KCNIP4: variants seen among roughly 807,000 people sequenced by gnomAD.
The protein encoded by KCNIP4 is potassium voltage-gated channel interacting protein 4, also known as Kv channel-interacting protein 4.
A neutral mutation model predicts 34.0 loss-of-function variants in KCNIP4; 12 were observed. The ratio of observed to expected loss-of-function variants is 0.35; its 90% CI spans 0.23 to 0.57. The LOEUF (loss-of-function observed/expected upper bound fraction) is 0.57. Among genes scored for constraint, KCNIP4 ranks in the 20% least tolerant of loss-of-function variants. The pLI is 0.83. For missense variants in KCNIP4, 238 were observed against 311.7 expected (o/e 0.76, Z 1.78); for synonymous variants, 124 against 102.2 (o/e 1.21, Z -1.29).
At chr4:21,750,246 G>A (rs6838747) in intron 1 of KCNIP4, among the ~76,000 whole-genome samples, 110,748 of 152,092 alleles carry the variant, frequency 0.73, 41,728 homozygotes, top group African/African-American at 0.85. Flanking sequence ...TTATTTAGCA[G>A]TGGCCCAAAG....
At chr4:21,628,800 C>T (rs1026144073) in intron 1 of KCNIP4, among the ~76,000 whole-genome samples, 6 of 152,132 alleles carry the variant, frequency 3.9e-5, no homozygotes, top group African/African-American at 1.4e-4. Flanking sequence ...CTATATTTAA[C>T]CAATCACTAT....
intron 1 of KCNIP4, among the ~76,000 whole-genome samples, chr4:21,277,178 G>T (rs560742404): frequency 3.3e-5 from 5 of 152,262 alleles, no homozygotes; most frequent in African/African-American, 1.2e-4. Flanking sequence ...TCCACAGATA[G>T]GAACTTTTCA....
At chr4:21,080,014 A>G (rs1329998786) in intron 1 of KCNIP4, among the ~76,000 whole-genome samples, 1 of 151,944 alleles carries the variant, frequency 6.6e-6, no homozygotes. Flanking sequence ...AAACTGAAAG[A>G]TAGTAAATTT....
intron 1 of KCNIP4, among the ~76,000 whole-genome samples, chr4:21,089,993 G>A (rs1341432002): frequency 1.3e-5 from 2 of 151,970 alleles, no homozygotes; most frequent in Non-Finnish European, 2.9e-5. Flanking sequence ...AATATTCTGC[G>A]ACTTGCTGTC....
chr4:20,893,996 T>C (rs2149540544), intron 1 of KCNIP4, among the ~76,000 whole-genome samples: 1 of 152,240 alleles, frequency 6.6e-6, no homozygotes, highest in African/African-American at 2.4e-5. Flanking sequence ...TTCACCTTCC[T>C]CAGCCACCGG....
At chr4:21,642,895 C>A (rs902564698) in intron 1 of KCNIP4, among the ~76,000 whole-genome samples, 1 of 152,072 alleles carries the variant, frequency 6.6e-6, no homozygotes, top group African/African-American at 2.4e-5. Flanking sequence ...CTTATTATTG[C>A]CATGTCCTGT....
chr4:21,305,261 A>G (rs997615537), intron 1 of KCNIP4, among the ~76,000 whole-genome samples: 2 of 152,190 alleles, frequency 1.3e-5, no homozygotes, highest in Admixed American at 6.5e-5. Flanking sequence ...GCAGTGGAGT[A>G]TAAGTTTAGA....
At chr4:20,770,404 A>G (rs532823508) in intron 3 of KCNIP4, among the ~76,000 whole-genome samples, 1 of 151,840 alleles carries the variant, frequency 6.6e-6, no homozygotes, top group African/African-American at 2.4e-5. Flanking sequence ...GCAGAAATAA[A>G]TTTTTTTAGA....
At chr4:21,939,245 T>C (rs1349678026) in intron 1 of KCNIP4, among the ~76,000 whole-genome samples, 1 of 152,212 alleles carries the variant, frequency 6.6e-6, no homozygotes, top group Non-Finnish European at 1.5e-5. Context: ...TACTTTTTAA[T>C]GACTAATTTT....
At chr4:20,756,246 C>A (rs1163433818) in intron 4 of KCNIP4, among the ~76,000 whole-genome samples, 3 of 151,580 alleles carry the variant, frequency 2.0e-5, no homozygotes, top group African/African-American at 7.3e-5. Flanking sequence ...AAACAGTTGT[C>A]CCCTATATTG....
intron 1 of KCNIP4, among the ~76,000 whole-genome samples, chr4:21,061,449 A>G (rs899372589): frequency 6.6e-6 from 1 of 152,166 alleles, no homozygotes; most frequent in African/African-American, 2.4e-5. Flanking sequence ...CTATATAAGC[A>G]AAAGTGCTTA....
chr4:21,329,524 C>G (rs771757932), intron 1 of KCNIP4, among the ~76,000 whole-genome samples: 2 of 152,136 alleles, frequency 1.3e-5, no homozygotes, highest in Non-Finnish European at 2.9e-5. Context: ...ACTCCACCAT[C>G]TAGAAGGGGA....
intron 1 of KCNIP4, among the ~76,000 whole-genome samples, chr4:21,755,725 C>T (rs112622324): frequency 6.6e-6 from 1 of 152,132 alleles, no homozygotes; most frequent in African/African-American, 2.4e-5. Context: ...TGTAGTTAAT[C>T]AAATATCTTT....
chr4:20,761,448 T>G (rs1754953162), intron 3 of KCNIP4, among the ~76,000 whole-genome samples: 1 of 152,174 alleles, frequency 6.6e-6, no homozygotes, highest in Non-Finnish European at 1.5e-5. Flanking sequence ...ATGGACCCAT[T>G]TTAAGACTAA....
At chr4:21,639,018 A>G (rs1487566871) in intron 1 of KCNIP4, among the ~76,000 whole-genome samples, 4 of 152,226 alleles carry the variant, frequency 2.6e-5, no homozygotes, top group Non-Finnish European at 5.9e-5. Flanking sequence ...TTGTCAAGGC[A>G]TAAGTATAAA....
chr4:20,931,243 A>T (rs952970057), intron 1 of KCNIP4, among the ~76,000 whole-genome samples: 2 of 151,996 alleles, frequency 1.3e-5, no homozygotes, highest in African/African-American at 4.8e-5. Context: ...TCAGCCATAA[A>T]AAAAGGTGAT....
At chr4:21,077,506 G>C (rs1745592925) in intron 1 of KCNIP4, among the ~76,000 whole-genome samples, 1 of 151,926 alleles carries the variant, frequency 6.6e-6, no homozygotes, top group Non-Finnish European at 1.5e-5. Flanking sequence ...CTAGTATTTA[G>C]ATAAGCACCT....
At chr4:21,328,405 C>A (rs994586686) in intron 1 of KCNIP4, among the ~76,000 whole-genome samples, 3 of 152,178 alleles carry the variant, frequency 2.0e-5, no homozygotes, top group African/African-American at 7.2e-5. Flanking sequence ...CTTCCCTCAA[C>A]TTTCTCTGAA....
chr4:21,806,424 TA>T (rs1443004406), intron 1 of KCNIP4, among the ~76,000 whole-genome samples: 1 of 152,140 alleles, frequency 6.6e-6, no homozygotes, highest in African/African-American at 2.4e-5. Flanking sequence ...TACTCAGAAG[TA>T]AAAAAGTGTG....
Sources: allele counts gnomAD v4.1 joint callset (sites outside exome capture counted in the v4.1 genomes callset), GRCh38; gene constraint gnomAD v4.1.1; transcripts MANE v1.5; gene names NCBI Gene and HGNC (gene_info 2026-07-23, HGNC 2026-07-21).